Variants in NCKAP5 observed in about 807,000 individuals in gnomAD.
NCKAP5 encodes the protein nck-associated protein 5.
A neutral mutation model predicts 167.0 loss-of-function variants in NCKAP5; 92 were observed. The ratio of observed to expected loss-of-function variants is 0.55; its 90% CI spans 0.47 to 0.66. The LOEUF (loss-of-function observed/expected upper bound fraction) is 0.66, where lower values mean the gene tolerates loss of function less well. Ranked by LOEUF, NCKAP5 falls within the 30% of genes least tolerant of loss-of-function variation. The probability of loss-of-function intolerance (pLI) is 0.00; values close to 1 mark genes in which losing one functional copy is unlikely to be tolerated. For missense variants in NCKAP5, 2,378 were observed against 2,315.0 expected (o/e 1.03, Z -0.56); for synonymous variants, 891 against 877.4 (o/e 1.02, Z -0.27).
the NCKAP5 span, among the ~76,000 whole-genome samples, chr2:133,633,694 G>A: frequency 6.6e-6 from 1 of 152,154 alleles, no homozygotes; most frequent in Non-Finnish European, 1.5e-5. Flanking sequence ...TTTTATAGAT[G>A]AATGAACTGA....
chr2:133,464,775 G>C (rs1559503059), intron 3 of NCKAP5, among the ~76,000 whole-genome samples: 1 of 152,166 alleles, frequency 6.6e-6, no homozygotes, highest in Non-Finnish European at 1.5e-5. Flanking sequence ...GTGAGGAGTA[G>C]AAAACTTGGA....
chr2:133,101,616 C>T (rs1250412080), intron 6 of NCKAP5, among the ~76,000 whole-genome samples: 2 of 151,982 alleles, frequency 1.3e-5, no homozygotes, highest in African/African-American at 2.4e-5. Flanking sequence ...AGAGGTCCTT[C>T]ACATCCCTTG....
chr2:132,795,438 A>G (rs545108514), intron 12 of NCKAP5, among the ~76,000 whole-genome samples: 132 of 152,340 alleles, frequency 8.7e-4, no homozygotes, highest in African/African-American at 3.1e-3. Context: ...TGTTTATTTT[A>G]GATTACTACC....
At chr2:133,463,175 C>A (rs993704437) in intron 3 of NCKAP5, among the ~76,000 whole-genome samples, 20 of 152,176 alleles carry the variant, frequency 1.3e-4, no homozygotes, top group Non-Finnish European at 2.2e-4. Context: ...AGCCACTTTA[C>A]CTACAGCCTT....
intron 2 of NCKAP5, among the ~76,000 whole-genome samples, chr2:133,517,914 A>C (rs72990471): frequency 0.12 from 17,758 of 152,164 alleles, 1,921 homozygotes; most frequent in African/African-American, 0.28. Flanking sequence ...CAGCCAGAAT[A>C]ATTCTGTTAC....
intron 19 of NCKAP5, among the ~76,000 whole-genome samples, chr2:132,710,719 A>G (rs1688757853): frequency 1.3e-5 from 2 of 152,330 alleles, no homozygotes; most frequent in East Asian, 1.9e-4. Context: ...TCTTCAACAA[A>G]TGCAGAACTT....
rs559415314 is a variant in NCKAP5, at chr2:132,742,840, T to C, written c.5129-10789A>G. Among the ~76,000 whole-genome samples the C allele has an allele frequency of 7.9e-5, 12 of 152,034 alleles. No homozygotes were observed. The East Asian group carries it at 1.7e-3, about 22-fold the overall frequency. ...TCAAGGATCATTTATTTTTCTTTTA[T>C]GTGACTGTAGTTGAAATGTTGACGA... On this transcript the variant is annotated intron_variant, in intron 16 of 19. Coordinates refer to ENST00000409261, the MANE Select transcript of NCKAP5 (RefSeq NM_207363.3).
the NCKAP5 span, among the ~76,000 whole-genome samples, chr2:133,636,515 C>A: frequency 4.6e-5 from 7 of 152,268 alleles, no homozygotes; most frequent in South Asian, 1.4e-3. Flanking sequence ...AATTTCAGAC[C>A]AGCGATAAGG....
At chr2:132,748,766 C>T (rs1399682484) in intron 16 of NCKAP5, among the ~76,000 whole-genome samples, 2 of 151,966 alleles carry the variant, frequency 1.3e-5, no homozygotes, top group Non-Finnish European at 2.9e-5. Flanking sequence ...CTCTAGTGAA[C>T]CATTTAAAAC....
At chr2:133,122,967 G>C (rs2082294259) in intron 6 of NCKAP5, 2 of 151,960 alleles carry the variant, frequency 1.3e-5, no homozygotes, top group African/African-American at 4.8e-5. Context: ...GACCCAAAAG[G>C]GTCAAATTAC....
chr2:132,882,773 A>G (rs1691868200), intron 8 of NCKAP5, among the ~76,000 whole-genome samples: 1 of 152,204 alleles, frequency 6.6e-6, no homozygotes, highest in African/African-American at 2.4e-5. Context: ...TTAAAACTAT[A>G]TTAAAGGGTA....
intron 3 of NCKAP5, among the ~76,000 whole-genome samples, chr2:133,356,361 G>C (rs1442010390): frequency 6.6e-6 from 1 of 152,222 alleles, no homozygotes; most frequent in African/African-American, 2.4e-5. Flanking sequence ...GGCCCTGTCT[G>C]TGCAGAGATA....
intron 11 of NCKAP5, among the ~76,000 whole-genome samples, chr2:132,819,322 TA>T (rs1434641885): frequency 2.0e-5 from 3 of 152,180 alleles, no homozygotes; most frequent in African/African-American, 7.2e-5. Flanking sequence ...AAATCTCCAC[TA>T]AAATAAATTA....
intron 6 of NCKAP5, among the ~76,000 whole-genome samples, chr2:133,104,628 C>T (rs4144199): frequency 0.23 from 35,147 of 152,128 alleles, 4,605 homozygotes; most frequent in East Asian, 0.51. Flanking sequence ...TGATCCATTA[C>T]ATTACTGTTC....
At chr2:133,539,131 G>A (rs1686018741) in intron 2 of NCKAP5, among the ~76,000 whole-genome samples, 1 of 151,704 alleles carries the variant, frequency 6.6e-6, no homozygotes, top group African/African-American at 2.4e-5. Context: ...TAGTAGAGAC[G>A]GGGTTTCACC....
chr2:133,467,010 C>T (rs1692651398), intron 3 of NCKAP5, among the ~76,000 whole-genome samples: 1 of 151,888 alleles, frequency 6.6e-6, no homozygotes, highest in Non-Finnish European at 1.5e-5. Context: ...TTTCCTTCTC[C>T]TGCCTGATTG....
At chr2:133,142,362 A>G (rs1161898820) in intron 5 of NCKAP5, among the ~76,000 whole-genome samples, 1 of 152,142 alleles carries the variant, frequency 6.6e-6, no homozygotes, top group Non-Finnish European at 1.5e-5. Context: ...TACAATTACT[A>G]CTATTAATAA....
intron 5 of NCKAP5, among the ~76,000 whole-genome samples, chr2:133,189,374 G>T (rs959089092): frequency 3.3e-5 from 5 of 151,154 alleles, no homozygotes; most frequent in Admixed American, 6.6e-5. Flanking sequence ...AGCTGGTACC[G>T]TTCCTTCTGA....
the NCKAP5 span, among the ~76,000 whole-genome samples, chr2:133,614,531 C>T: frequency 6.6e-6 from 1 of 151,952 alleles, no homozygotes; most frequent in African/African-American, 2.4e-5. Flanking sequence ...ATGCAATCAA[C>T]TGGAAGAAAG....
Sources: allele counts gnomAD v4.1 joint callset (sites outside exome capture counted in the v4.1 genomes callset), GRCh38; gene constraint gnomAD v4.1.1; transcripts MANE v1.5; gene names NCBI Gene and HGNC (gene_info 2026-07-23, HGNC 2026-07-21).